CADPS2: variants seen among roughly 807,000 people sequenced by gnomAD.
CADPS2 encodes the protein calcium-dependent secretion activator 2.
In CADPS2, 93 loss-of-function variants were observed where a neutral mutation model predicts 172.5. That is an observed-to-expected ratio of 0.54 (90% CI 0.46 to 0.64). The LOEUF (loss-of-function observed/expected upper bound fraction) is 0.64, where lower values mean the gene tolerates loss of function less well. Among genes scored for constraint, CADPS2 ranks in the 30% least tolerant of loss-of-function variants. The probability of loss-of-function intolerance (pLI) is 0.00; values close to 1 mark genes in which losing one functional copy is unlikely to be tolerated. For synonymous variants in CADPS2, 546 were observed against 555.2 expected (o/e 0.98, Z 0.23); for missense variants, 1,420 against 1,565.9 (o/e 0.91, Z 1.57).
intron 1 of CADPS2, among the ~76,000 whole-genome samples, chr7:122,852,959 C>A (rs1012491092): frequency 6.6e-6 from 1 of 152,174 alleles, no homozygotes. Context: ...ATCTCCACTT[C>A]GAAAATCCAC....
At chr7:122,405,478 C>A (rs1207989704) in intron 20 of CADPS2, among the ~76,000 whole-genome samples, 1 of 152,068 alleles carries the variant, frequency 6.6e-6, no homozygotes, top group Non-Finnish European at 1.5e-5. Flanking sequence ...GTCTGGTGAA[C>A]ATGGTGGAAC....
At chr7:122,443,451 CA>C (rs1460894194) in intron 15 of CADPS2, among the ~76,000 whole-genome samples, 1 of 152,154 alleles carries the variant, frequency 6.6e-6, no homozygotes, top group African/African-American at 2.4e-5. Context: ...AAATAAAATT[CA>C]GCCACATTAT....
chr7:122,617,916 A>G (rs964021463), intron 5 of CADPS2, among the ~76,000 whole-genome samples: 3 of 151,956 alleles, frequency 2.0e-5, no homozygotes, highest in Non-Finnish European at 4.4e-5. Context: ...GGTGGCAGGC[A>G]CCTGTAGTCC....
At chr7:122,770,306 C>T (rs1384974629) in intron 1 of CADPS2, among the ~76,000 whole-genome samples, 1 of 152,052 alleles carries the variant, frequency 6.6e-6, no homozygotes, top group Non-Finnish European at 1.5e-5. Flanking sequence ...GAAGGGAATA[C>T]AATACTGTTA....
intron 6 of CADPS2, among the ~76,000 whole-genome samples, chr7:122,609,760 T>C (rs1191697794): frequency 2.0e-5 from 3 of 152,106 alleles, no homozygotes; most frequent in African/African-American, 7.2e-5. Context: ...ATTAAGTGTA[T>C]TGGAAATACG....
intron 9 of CADPS2, among the ~76,000 whole-genome samples, chr7:122,505,169 C>A (rs1299896249): frequency 1.3e-5 from 2 of 152,042 alleles, no homozygotes; most frequent in Non-Finnish European, 2.9e-5. Flanking sequence ...ATGTGTGTAA[C>A]CCACCCAAAA....
At chr7:122,816,122 C>A (rs1801308632) in intron 1 of CADPS2, among the ~76,000 whole-genome samples, 1 of 151,996 alleles carries the variant, frequency 6.6e-6, no homozygotes, top group African/African-American at 2.4e-5. Flanking sequence ...CTTATCCTTT[C>A]TTCCTATTTT....
At chr7:122,653,001 C>T (rs1294137511) in intron 3 of CADPS2, among the ~76,000 whole-genome samples, 1 of 152,092 alleles carries the variant, frequency 6.6e-6, no homozygotes, top group Non-Finnish European at 1.5e-5. Context: ...AAGAGAGTTT[C>T]CTGTTTTTCC....
chr7:122,768,635 T>A (rs550010794), intron 1 of CADPS2, among the ~76,000 whole-genome samples: 1 of 152,296 alleles, frequency 6.6e-6, no homozygotes, highest in African/African-American at 2.4e-5. Flanking sequence ...TGTAGAGATA[T>A]AAAATTCATG....
intron 1 of CADPS2, among the ~76,000 whole-genome samples, chr7:122,772,129 T>A (rs183752394): frequency 2.0e-5 from 3 of 152,170 alleles, no homozygotes; most frequent in African/African-American, 7.2e-5. Context: ...GGAATGTTAA[T>A]GTAATACTGC....
chr7:122,403,778 G>A (rs924003299), intron 20 of CADPS2, among the ~76,000 whole-genome samples: 14 of 152,086 alleles, frequency 9.2e-5, no homozygotes, highest in South Asian at 2.1e-4. Context: ...TTGTAGATAA[G>A]TAATTCCATT....
Position 122,621,618 on chromosome 7 carries a change from G to T in CADPS2, c.967C>A (p.Leu323Ile). 6.2e-7 allele frequency: 1 copy of T among 1,613,674 alleles called. No homozygotes were observed. Among genetic ancestry groups the T allele is most frequent in the Non-Finnish European group, 8.5e-7 (1 of 1,179,674 alleles). Reference sequence around the variant, plus strand: ...TCCGGACCACCTTTCGAAACTGGAAGACTTTCCAAATTGGCCATTAGCAAA... The same window carrying T: ...TCCGGACCACCTTTCGAAACTGGAATACTTTCCAAATTGGCCATTAGCAAA... ...VNLLMANLESLPVSKGGPEFK... is the reference protein window; with the variant it reads ...VNLLMANLESIPVSKGGPEFK... The change falls in exon 5 of 30, where the codon CTT becomes ATT. Residue 323 changes from leucine (L) to isoleucine (I), a missense_variant. By Grantham distance (5) the Leu-to-Ile change is conservative. Coordinates refer to ENST00000449022, the MANE Select transcript of CADPS2 (RefSeq NM_017954.11).
chr7:122,545,445 C>T (rs572680022), intron 8 of CADPS2, among the ~76,000 whole-genome samples: 4 of 152,106 alleles, frequency 2.6e-5, no homozygotes, highest in South Asian at 2.1e-4. Context: ...GTTAGGAGTT[C>T]GTGTTGGGTA....
rs545418407 is a variant in CADPS2, at chr7:122,560,769, T to G, written c.1336-6080A>C. Among the ~76,000 whole-genome samples the G allele has an allele frequency of 1.5e-4, 23 of 152,314 alleles. No homozygotes were observed. In the South Asian group the frequency reaches 2.1e-3, roughly 14 times the overall value. ...TTCAATTGACAGAGATTTTATACTT[T>G]AGCAAAGATTCATAAAGACAGTCTC... On this transcript the variant is annotated intron_variant, in intron 7 of 29. Coordinates refer to ENST00000449022, the MANE Select transcript of CADPS2 (RefSeq NM_017954.11).
chr7:122,836,230 A>G (rs545332133), intron 1 of CADPS2, among the ~76,000 whole-genome samples: 6 of 152,234 alleles, frequency 3.9e-5, no homozygotes, highest in East Asian at 1.9e-4. Context: ...AGCAAATGAT[A>G]AGAGATTTTG....
intron 4 of CADPS2, among the ~76,000 whole-genome samples, chr7:122,623,517 T>A (rs1289620512): frequency 1.3e-5 from 2 of 152,184 alleles, no homozygotes; most frequent in Admixed American, 6.5e-5. Flanking sequence ...ACAATAAAGC[T>A]ACATGTTACC....
chr7:122,683,272 C>T (rs950608031), intron 2 of CADPS2, among the ~76,000 whole-genome samples: 1 of 152,188 alleles, frequency 6.6e-6, no homozygotes, highest in Non-Finnish European at 1.5e-5. Flanking sequence ...ACTCCTCAGC[C>T]ACTTGTATCC....
intron 2 of CADPS2, among the ~76,000 whole-genome samples, chr7:122,718,499 G>T (rs1220068022): frequency 6.6e-6 from 1 of 152,076 alleles, no homozygotes; most frequent in African/African-American, 2.4e-5. Flanking sequence ...AGTTCAGATA[G>T]TTAAGGGTAG....
At chr7:122,530,216 T>C (rs2061639221) in intron 8 of CADPS2, among the ~76,000 whole-genome samples, 2 of 152,008 alleles carry the variant, frequency 1.3e-5, no homozygotes, top group Admixed American at 1.3e-4. Context: ...TAAAATATAT[T>C]TGTGAACTCT....
Sources: gnomAD v4.1 joint callset for allele counts (sites outside exome capture counted in the v4.1 genomes callset) on GRCh38, gnomAD v4.1.1 for gene constraint, MANE v1.5 for transcripts, NCBI Gene and HGNC (gene_info 2026-07-23, HGNC 2026-07-21) for gene names.